STPG2: variants seen among roughly 807,000 people sequenced by gnomAD.
The protein encoded by STPG2 is sperm tail PG-rich repeat containing 2, also known as sperm-tail PG-rich repeat-containing protein 2.
In STPG2, 56 loss-of-function variants were observed where a neutral mutation model predicts 54.2. The ratio of observed to expected loss-of-function variants is 1.03; its 90% CI spans 0.83 to 1.29. STPG2 has a LOEUF of 1.29. Ranked by LOEUF, STPG2 falls within the 50% of genes most tolerant of loss-of-function variation. The pLI is 0.00. For synonymous variants in STPG2, 200 were observed against 181.8 expected, an observed-to-expected ratio of 1.10 and a Z score of -0.81; for missense variants, 596 against 544.9, an observed-to-expected ratio of 1.09 and a Z score of -0.93.
intron 9 of STPG2, among the ~76,000 whole-genome samples, chr4:97,801,079 T>C (rs956639294): frequency 1.3e-5 from 2 of 152,188 alleles, no homozygotes; most frequent in African/African-American, 2.4e-5. Context: ...GTGCCGTCTG[T>C]CACAGCTTCT....
At chr4:97,457,072 G>A (rs559480486) in intron 4 of STPG2, among the ~76,000 whole-genome samples, 10 of 152,090 alleles carry the variant, frequency 6.6e-5, no homozygotes, top group East Asian at 1.9e-4. Flanking sequence ...CTACTGATCC[G>A]AATGATCAAA....
intron 1 of STPG2, among the ~76,000 whole-genome samples, chr4:98,136,097 T>C (rs535952235): frequency 4.5e-4 from 69 of 151,660 alleles, no homozygotes; most frequent in African/African-American, 1.6e-3. Context: ...CCTTTATATA[T>C]TCAACAAGGT....
chr4:98,083,598 A>C (rs1692513436), intron 5 of STPG2, among the ~76,000 whole-genome samples: 1 of 152,194 alleles, frequency 6.6e-6, no homozygotes, highest in Non-Finnish European at 1.5e-5. Context: ...CAATTCTATT[A>C]ATATTGGAGT....
intron 4 of STPG2, among the ~76,000 whole-genome samples, chr4:97,547,646 C>G (rs777288467): frequency 2.1e-4 from 32 of 152,126 alleles, no homozygotes; most frequent in Admixed American, 1.1e-3. Flanking sequence ...TTATAAAGAT[C>G]AGGTAGGTGA....
intron 9 of STPG2, among the ~76,000 whole-genome samples, chr4:97,778,061 T>A (rs1726439777): frequency 6.6e-6 from 1 of 151,900 alleles, no homozygotes; most frequent in Non-Finnish European, 1.5e-5. Flanking sequence ...CGTCAGACAG[T>A]GGGGACAGGA....
At chr4:98,016,682 T>C (rs753500429) in intron 5 of STPG2, among the ~76,000 whole-genome samples, 2 of 152,234 alleles carry the variant, frequency 1.3e-5, no homozygotes, top group Non-Finnish European at 2.9e-5. Context: ...TTTGTTTACT[T>C]GCCCATCTGT....
chr4:97,732,589 T>C (rs1265206841), intron 9 of STPG2, among the ~76,000 whole-genome samples: 2 of 152,146 alleles, frequency 1.3e-5, no homozygotes. Flanking sequence ...CGTTAAAAGC[T>C]TCTGCACAGA....
At chr4:97,591,744 A>G (rs1733151719) in intron 10 of STPG2, among the ~76,000 whole-genome samples, 1 of 152,196 alleles carries the variant, frequency 6.6e-6, no homozygotes, top group African/African-American at 2.4e-5. Flanking sequence ...CTCAGAAGGC[A>G]TACACTAACC....
At chr4:97,618,660 C>T (rs547986183) in intron 10 of STPG2, among the ~76,000 whole-genome samples, 2 of 152,228 alleles carry the variant, frequency 1.3e-5, no homozygotes, top group South Asian at 4.1e-4. Context: ...ACATGATGCA[C>T]TGTGTTTCTC....
chr4:97,572,889 CTACT>C (rs1323925540), intron 10 of STPG2, among the ~76,000 whole-genome samples: 1 of 151,870 alleles, frequency 6.6e-6, no homozygotes, highest in Non-Finnish European at 1.5e-5. Flanking sequence ...TAAATTTTAC[CTACT>C]ATTATTCAAA....
chr4:98,056,472 A>G (rs981363398), intron 5 of STPG2, among the ~76,000 whole-genome samples: 2 of 152,180 alleles, frequency 1.3e-5, no homozygotes, highest in African/African-American at 2.4e-5. Context: ...CTAAGCCTCA[A>G]CAAGCCAGAG....
chr4:97,851,703 G>A (rs1729163166), intron 8 of STPG2, among the ~76,000 whole-genome samples: 1 of 152,142 alleles, frequency 6.6e-6, no homozygotes, highest in South Asian at 2.1e-4. Context: ...TCATTACAGA[G>A]TGTCTCCAGG....
intron 9 of STPG2, among the ~76,000 whole-genome samples, chr4:97,828,934 G>T (rs1200391467): frequency 6.6e-6 from 1 of 152,108 alleles, no homozygotes; most frequent in Non-Finnish European, 1.5e-5. Flanking sequence ...GGAAGGGGTG[G>T]CTATGGGCAC....
At chr4:97,469,758 C>G (rs973690912) in intron 4 of STPG2, among the ~76,000 whole-genome samples, 4 of 151,742 alleles carry the variant, frequency 2.6e-5, no homozygotes, top group Non-Finnish European at 5.9e-5. Context: ...GAAGAAATAC[C>G]ACAGAAAGAC....
chr4:97,837,467 T>C (rs1363692067), intron 9 of STPG2, among the ~76,000 whole-genome samples: 1 of 151,772 alleles, frequency 6.6e-6, no homozygotes, highest in African/African-American at 2.4e-5. Flanking sequence ...GCTTAAATAC[T>C]TTTCCACTTA....
intron 8 of STPG2, among the ~76,000 whole-genome samples, chr4:97,884,471 G>C (rs965521806): frequency 6.6e-6 from 1 of 152,128 alleles, no homozygotes; most frequent in African/African-American, 2.4e-5. Context: ...AAAACCATGT[G>C]AAGACACCAG....
intron 8 of STPG2, among the ~76,000 whole-genome samples, chr4:97,913,571 C>G (rs1052442417): frequency 6.6e-6 from 1 of 152,090 alleles, no homozygotes; most frequent in Non-Finnish European, 1.5e-5. Flanking sequence ...TTTAAATTAT[C>G]AATTAAGATT....
chr4:98,004,985 C>A (rs1371830986), intron 5 of STPG2, among the ~76,000 whole-genome samples: 2 of 115,642 alleles, frequency 1.7e-5, no homozygotes, highest in African/African-American at 3.3e-5. Flanking sequence ...AAAAAAAAAG[C>A]TTTTTAGTTT....
chr4:97,731,232 G>C (rs1724784189), intron 9 of STPG2, among the ~76,000 whole-genome samples: 2 of 152,132 alleles, frequency 1.3e-5, no homozygotes, highest in Non-Finnish European at 2.9e-5. Flanking sequence ...GCTGAGTATA[G>C]TCAATTGGCT....
Sources: gnomAD v4.1 joint callset for allele counts (sites outside exome capture counted in the v4.1 genomes callset) on GRCh38, gnomAD v4.1.1 for gene constraint, MANE v1.5 for transcripts, NCBI Gene and HGNC (gene_info 2026-07-23, HGNC 2026-07-21) for gene names.